The following MYO15B variants were observed in gnomAD, a reference collection of about 807,000 sequenced individuals.
The protein encoded by MYO15B is myosin XVB, also known as myosin XVB pseudogene.
A neutral mutation model predicts 119.3 loss-of-function variants in MYO15B; 207 were observed. The ratio of observed to expected loss-of-function variants is 1.73; its 90% CI spans 1.55 to 1.95. The LOEUF is 1.95. Ranked by LOEUF, MYO15B falls within the 30% of genes most tolerant of loss-of-function variation. The pLI, the probability that MYO15B is intolerant of heterozygous loss-of-function variation, is 0.00. For synonymous variants in MYO15B, 966 were observed against 498.9 expected (o/e 1.94, Z -12.48); for missense variants, 2,264 against 1,203.1 (o/e 1.88, Z -13.04).
At position 75,616,294 on chromosome 17, in the gene MYO15B, C is replaced by A; in HGVS notation, c.6110-18C>A. ...GGGCCAGTATGGGTAACTTTGAAGG[C>A]CATCTGGACACTTGCAGGGCAGCCA... is the stretch of plus-strand genomic sequence containing the variant. On this transcript the variant is annotated intron_variant, in intron 37 of 63. Transcript: ENST00000645453. The A allele has an allele frequency of 1.7e-6, 1 of 600,400 alleles. No homozygotes were observed. The highest frequency in any genetic ancestry group is 3.0e-6 in the Non-Finnish European group (1 of 337,230). 37.2% of individuals were successfully genotyped at this position (600,400 alleles called of 1,614,324 possible). A position where few individuals can be genotyped will look rare whatever the true frequency, so the allele number is the denominator to read the frequency against.
intron 43 of MYO15B, 139 bp from the exon 44 acceptor site, chr17:75,619,004 C>G: frequency 1.6e-6 from 1 of 635,146 alleles, no homozygotes; most frequent in Non-Finnish European, 2.8e-6. Context: ...CACCTAGGCC[C>G]TCTGCTGAGC....
At chr17:75,611,468 CA>C (rs11410750) in intron 23 of MYO15B, 132 bp from the exon 24 acceptor site, 100,582 of 462,342 alleles carry the variant, frequency 0.22, 1,535 homozygotes, top group African/African-American at 0.35. Context: ...GACCCTGCCT[CA>C]AAAAAAAAAA....
At chr17:75,613,331 T>A in exon 28 of MYO15B, 1 of 675,618 alleles carries the variant, frequency 1.5e-6, no homozygotes, top group Non-Finnish European at 2.7e-6. Context: ...ATGGCAGCGC[T>A]GTGCCAGCAC....
Position 75,602,917 on chromosome 17 carries a change from C to A in MYO15B, c.3817C>A (p.Leu1273Met), listed in dbSNP as rs1015717084. Residue 1273 changes from leucine (L) to methionine (M), a missense_variant, in exon 17 of 64, where the codon CTG becomes ATG. Coordinates refer to ENST00000645453, the Ensembl canonical transcript of MYO15B. ...GCTGGCCTCTCGCTTCCAGCAGGCC[C>A]TGGAGGACCTCATAGCCCGGCTGGG... 14 of 690,954 alleles carry A rather than the reference C, an allele frequency of 2.0e-5. No individual in the cohort carries two copies. In the East Asian group the frequency reaches 3.0e-4, roughly 15 times the overall value. The allele number at this position is 690,954 out of a possible 1,614,324, so 42.8% of individuals were successfully genotyped here. A position where few individuals can be genotyped will look rare whatever the true frequency, so the allele number is the denominator to read the frequency against.
At chr17:75,596,679 C>G (rs2056882944) in intron 13 of MYO15B, 89 bp from the exon 14 acceptor site, 1 of 670,612 alleles carries the variant, frequency 1.5e-6, no homozygotes, top group Non-Finnish European at 2.7e-6. Context: ...CATGAGGTGT[C>G]TCAGTCTTCT....
At chr17:75,603,665 C>T (rs1192450534) in intron 19 of MYO15B, among the ~76,000 whole-genome samples, 1 of 143,396 alleles carries the variant, frequency 7.0e-6, no homozygotes, top group Non-Finnish European at 1.5e-5. Context: ...CAGGCTGAAG[C>T]AGTGAGATGG....
intron 43 of MYO15B, 108 bp from the exon 44 acceptor site, chr17:75,619,035 G>GGC: frequency 1.5e-6 from 1 of 672,806 alleles, no homozygotes; most frequent in Non-Finnish European, 2.7e-6. Context: ...TGGGGGCCAG[G>GGC]GCGCCCTCCA....
chr17:75,615,402 G>A, intron 34 of MYO15B, 64 bp downstream of exon 34: 2 of 685,230 alleles, frequency 2.9e-6, no homozygotes, highest in Non-Finnish European at 5.4e-6. Flanking sequence ...TCTGGGACTG[G>A]AGGAGGGAGG....
At chr17:75,617,431 C>G (rs572803056) in intron 41 of MYO15B, 127 bp downstream of exon 41, 4 of 566,382 alleles carry the variant, frequency 7.1e-6, no homozygotes, top group African/African-American at 5.7e-5. Flanking sequence ...GGCTTCTGGA[C>G]TTTGGAGCCA....
At chr17:75,624,434 T>G in exon 57 of MYO15B, 1 of 702,734 alleles carries the variant, frequency 1.4e-6, no homozygotes, top group Admixed American at 2.0e-5. Flanking sequence ...AGGACGAATA[T>G]CCAGACTTTC....
chr17:75,599,360 C>T (rs57548258), intron 14 of MYO15B, among the ~76,000 whole-genome samples: 6,255 of 151,952 alleles, frequency 0.041, 363 homozygotes, highest in African/African-American at 0.13. Context: ...CTGCAAGCTC[C>T]GCCTCGCGGG....
chr17:75,617,574 T>TCC, intron 41 of MYO15B: 1 of 568,174 alleles, frequency 1.8e-6, no homozygotes, highest in Non-Finnish European at 3.1e-6. Context: ...TGTGAGGAAG[T>TCC]TAGTGGCCCT....
At chr17:75,588,427 C>G in exon 1 of MYO15B, 1 of 398,462 alleles carries the variant, frequency 2.5e-6, no homozygotes, top group Non-Finnish European at 4.4e-6. Context: ...GCTGGGCGGC[C>G]GCCGTAGGAG....
chr17:75,623,618 G>A (rs1173505200), intron 53 of MYO15B, among the ~76,000 whole-genome samples, 163 bp from the exon 54 acceptor site: 1 of 152,214 alleles, frequency 6.6e-6, no homozygotes, highest in East Asian at 1.9e-4. Flanking sequence ...GGAGACGGGA[G>A]CAGCGAAGAA....
exon 53 of MYO15B, chr17:75,622,014 G>A: frequency 1.4e-6 from 1 of 702,994 alleles, no homozygotes; most frequent in South Asian, 1.5e-5. Context: ...CCCTGATGCG[G>A]TTTATGGGTG....
chr17:75,620,159 C>T (rs820153), intron 47 of MYO15B, 87 bp from the exon 48 acceptor site: 4 of 694,972 alleles, frequency 5.8e-6, no homozygotes, highest in Non-Finnish European at 1.1e-5. Context: ...GGTGGAGGGG[C>T]AGGCCAGCAG....
Position 75,620,227 on chromosome 17 carries a change from C to T in MYO15B, c.7444-19C>T. 1 of 702,488 alleles carries T rather than the reference C, an allele frequency of 1.4e-6. No individual in the cohort carries two copies. Among genetic ancestry groups the T allele is most frequent in the Non-Finnish European group, 2.6e-6 (1 of 384,974 alleles). The allele number at this position is 702,488 out of a possible 1,614,324, so 43.5% of individuals were successfully genotyped here. ...ACAGGCAGACTTGCTGCTCCAGGCCCTCGCCTGCTTGCCCACAGGACTCCG... is the reference window on the plus strand; with the variant it reads ...ACAGGCAGACTTGCTGCTCCAGGCCTTCGCCTGCTTGCCCACAGGACTCCG... On this transcript the variant is annotated intron_variant, in intron 47 of 63. Coordinates refer to ENST00000645453, the Ensembl canonical transcript of MYO15B.
intron 25 of MYO15B, 117 bp from the exon 26 acceptor site, chr17:75,612,681 A>G (rs1410483183): frequency 1.6e-6 from 1 of 627,196 alleles, no homozygotes; most frequent in Admixed American, 2.8e-5. Flanking sequence ...AAAAAAAGGC[A>G]TTAAGATGCA....
chr17:75,623,884 G>A, intron 54 of MYO15B, 30 bp downstream of exon 54: 2 of 679,676 alleles, frequency 2.9e-6, no homozygotes, highest in Middle Eastern at 2.4e-4. Context: ...TTCTGGGGGT[G>A]GCTTCTGGGG....
Sources: allele counts gnomAD v4.1 joint callset (sites outside exome capture counted in the v4.1 genomes callset), GRCh38; gene constraint gnomAD v4.1.1; transcripts MANE v1.5; gene names NCBI Gene and HGNC (gene_info 2026-07-23, HGNC 2026-07-21).